Variants in PRR33 observed in about 807,000 individuals in gnomAD.
PRR33 encodes proline rich 33.
Under a neutral mutation model 0.5 loss-of-function variants are expected in PRR33, and 1 was observed. The observed-to-expected ratio is 2.18, with a 90% CI of 0.77 to 10.34. PRR33 has a LOEUF of 10.34. Among genes scored for constraint, PRR33 ranks in the 30% most tolerant of loss-of-function variants. The probability of loss-of-function intolerance (pLI) is 0.13; values close to 1 mark genes in which losing one functional copy is unlikely to be tolerated. For missense variants in PRR33, 552 were observed against 251.8 expected, an observed-to-expected ratio of 2.19 and a Z score of -8.07; for synonymous variants, 226 against 110.0, an observed-to-expected ratio of 2.06 and a Z score of -6.60.
the PRR33 span, among the ~76,000 whole-genome samples, chr11:1,905,627 C>T: frequency 2.0e-5 from 3 of 150,298 alleles, no homozygotes; most frequent in African/African-American, 4.9e-5. Flanking sequence ...TTGGTAGAGA[C>T]GGGGTTTCTA....
exon 1 of PRR33, chr11:1,890,624 C>A (rs1848961606): frequency 2.9e-6 from 2 of 683,144 alleles, no homozygotes; most frequent in African/African-American, 1.8e-5. Context: ...GTCAGGCCAG[C>A]CCTCCTCCCT....
At chr11:1,913,161 C>T in the PRR33 span, among the ~76,000 whole-genome samples, 3 of 151,964 alleles carry the variant, frequency 2.0e-5, no homozygotes, top group Admixed American at 6.6e-5. Context: ...GATGGAGTCT[C>T]GCTCTGTCGC....
chr11:1,889,230 G>T, exon 1 of PRR33: 4 of 674,708 alleles, frequency 5.9e-6, no homozygotes, highest in Non-Finnish European at 1.1e-5. Flanking sequence ...TGTGGGAGGG[G>T]GCCGGGTGGC....
chr11:1,895,277 CATTT>C, upstream of PRR33, among the ~76,000 whole-genome samples: 1 of 152,092 alleles, frequency 6.6e-6, no homozygotes, highest in Non-Finnish European at 1.5e-5. Context: ...GAACTACAGG[CATTT>C]GCCACCACGC....
chr11:1,904,341 C>A, the PRR33 span, among the ~76,000 whole-genome samples: 1 of 151,942 alleles, frequency 6.6e-6, no homozygotes, highest in African/African-American at 2.4e-5. Context: ...CCAGCCTGGG[C>A]AACACGGTGA....
At chr11:1,913,310 T>TTG in the PRR33 span, among the ~76,000 whole-genome samples, 1 of 35,316 alleles carries the variant, frequency 2.8e-5, no homozygotes, top group African/African-American at 5.5e-5. Context: ...TGTTTTTTTT[T>TTG]TTTTGTTTTT....
exon 1 of PRR33, chr11:1,889,718 A>G (rs1237127076): frequency 3.1e-6 from 2 of 650,304 alleles, no homozygotes; most frequent in Non-Finnish European, 5.6e-6. Flanking sequence ...GCTCTCTGCC[A>G]GGGCCCATGG....
the PRR33 span, among the ~76,000 whole-genome samples, chr11:1,905,595 C>G: frequency 6.6e-6 from 1 of 151,872 alleles, no homozygotes; most frequent in Admixed American, 6.6e-5. Context: ...TGTGCCACCA[C>G]GCCTGGCTAA....
exon 1 of PRR33, chr11:1,888,635 C>T (rs1848855041): frequency 6.5e-6 from 1 of 152,872 alleles, no homozygotes; most frequent in South Asian, 2.1e-4. Flanking sequence ...GGATCTGGCT[C>T]TGCCATCAGG....
At chr11:1,889,688 C>G in exon 1 of PRR33, 1 of 636,290 alleles carries the variant, frequency 1.6e-6, no homozygotes, top group Non-Finnish European at 2.9e-6. Context: ...CGGGGCCAGC[C>G]ATCGGGGGCT....
upstream of PRR33, among the ~76,000 whole-genome samples, chr11:1,894,220 TGGGA>T (rs1394832091): frequency 2.9e-5 from 3 of 102,254 alleles, no homozygotes; most frequent in African/African-American, 9.5e-5. Flanking sequence ...GCTGGGAGTG[TGGGA>T]GTGTGTGTGT....
At chr11:1,915,927 TGATG>T in the PRR33 span, among the ~76,000 whole-genome samples, 10 of 146,982 alleles carry the variant, frequency 6.8e-5, no homozygotes, top group Non-Finnish European at 1.1e-4. Flanking sequence ...GATAGACTAA[TGATG>T]GATGGATGGA....
chr11:1,907,668 C>A, the PRR33 span, among the ~76,000 whole-genome samples: 1 of 152,220 alleles, frequency 6.6e-6, no homozygotes, highest in Non-Finnish European at 1.5e-5. Flanking sequence ...ACCGCCCCGG[C>A]CTCCCAAAGT....
At chr11:1,912,807 A>G in the PRR33 span, among the ~76,000 whole-genome samples, 24 of 151,982 alleles carry the variant, frequency 1.6e-4, no homozygotes, top group Non-Finnish European at 8.8e-5. Context: ...GGTTTTTGCC[A>G]TGTTGCCCAG....
At chr11:1,906,952 T>C in the PRR33 span, among the ~76,000 whole-genome samples, 1 of 152,210 alleles carries the variant, frequency 6.6e-6, no homozygotes. Flanking sequence ...GCTCAGGGAC[T>C]CTGTGGGCTC....
the PRR33 span, among the ~76,000 whole-genome samples, chr11:1,897,727 G>A: frequency 1.3e-5 from 2 of 152,168 alleles, no homozygotes; most frequent in Admixed American, 6.5e-5. The surrounding 1 kb of genome is among the most constrained non-coding windows in gnomAD (Gnocchi z 4.0). Flanking sequence ...AATGTCATTC[G>A]TACCTAGGTT....
the PRR33 span, among the ~76,000 whole-genome samples, chr11:1,904,882 C>A: frequency 6.6e-6 from 1 of 151,518 alleles, no homozygotes; most frequent in Non-Finnish European, 1.5e-5. Flanking sequence ...TAATTTCTAT[C>A]CTTCTCCTCC....
At position 1,889,863 on chromosome 11, in the gene PRR33, A is replaced by C. The variant is rs1033898212; in HGVS notation, c.722T>G (p.Leu241Trp). 6.3e-6 allele frequency: 4 copies of C among 631,774 alleles called. No homozygotes were observed. The Admixed American group carries it at 8.2e-5, about 13-fold the overall frequency. The allele number at this position is 631,774 out of a possible 1,614,324, so 39.1% of individuals were successfully genotyped here. ...CCGTGGTACAGGGGGCTCCTCAGGCAAGGGACTGGCAGCCTGGACTGTGGT... is the reference window on the plus strand; with the variant it reads ...CCGTGGTACAGGGGGCTCCTCAGGCCAGGGACTGGCAGCCTGGACTGTGGT... Residue 241 changes from leucine to tryptophan, a missense_variant, in exon 1 of 1, where the codon TTG becomes TGG. Physicochemically the swap from Leu to Trp is moderately conservative, Grantham distance 61. Coordinates refer to ENST00000640310, the Ensembl canonical transcript of PRR33.
chr11:1,905,084 T>C, the PRR33 span, among the ~76,000 whole-genome samples: 1 of 151,964 alleles, frequency 6.6e-6, no homozygotes, highest in Non-Finnish European at 1.5e-5. Flanking sequence ...CTTTTTCTAT[T>C]TTCCTTAAGC....
Sources: allele counts gnomAD v4.1 joint callset (sites outside exome capture counted in the v4.1 genomes callset), GRCh38; gene constraint gnomAD v4.1.1; non-coding constraint Gnocchi (gnomAD v3.1); transcripts MANE v1.5; gene names NCBI Gene and HGNC (gene_info 2026-07-23, HGNC 2026-07-21).